Variants in SORCS3 observed in about 807,000 individuals in gnomAD.
SORCS3 encodes VPS10 domain-containing receptor SorCS3.
A neutral mutation model predicts 146.3 loss-of-function variants in SORCS3; 57 were observed. The ratio of observed to expected loss-of-function variants is 0.39; its 90% CI spans 0.31 to 0.49. SORCS3 has a LOEUF of 0.49. Ranked by LOEUF, SORCS3 falls within the 20% of genes least tolerant of loss-of-function variation. The probability of loss-of-function intolerance (pLI) is 0.92; values close to 1 mark genes in which losing one functional copy is unlikely to be tolerated. For missense variants in SORCS3, 1,341 were observed against 1,575.5 expected (o/e 0.85, Z 2.52); for synonymous variants, 653 against 618.5 (o/e 1.06, Z -0.83).
chr10:104,889,954 A>C (rs1285104912), intron 2 of SORCS3, among the ~76,000 whole-genome samples: 1 of 152,176 alleles, frequency 6.6e-6, no homozygotes, highest in Non-Finnish European at 1.5e-5. Flanking sequence ...TTATCAAAGA[A>C]ATGTAATTTA....
At chr10:104,780,381 T>C (rs535664348) in intron 1 of SORCS3, among the ~76,000 whole-genome samples, 2 of 152,286 alleles carry the variant, frequency 1.3e-5, no homozygotes, top group Admixed American at 1.3e-4. Flanking sequence ...AAGCTATTAA[T>C]AAACCTTAGA....
intron 1 of SORCS3, among the ~76,000 whole-genome samples, chr10:104,770,640 C>A (rs928591610): frequency 6.6e-6 from 1 of 151,766 alleles, no homozygotes; most frequent in African/African-American, 2.4e-5. Context: ...GGCAACATAG[C>A]AAAACCCCAT....
chr10:105,044,185 A>G (rs1182289813), intron 5 of SORCS3, among the ~76,000 whole-genome samples: 1 of 152,112 alleles, frequency 6.6e-6, no homozygotes, highest in East Asian at 1.9e-4. Flanking sequence ...CCTGGTCATT[A>G]TAGTGATACC....
chr10:104,974,647 C>G (rs541522394), intron 3 of SORCS3, among the ~76,000 whole-genome samples: 2 of 152,226 alleles, frequency 1.3e-5, no homozygotes, highest in South Asian at 4.2e-4. Flanking sequence ...GACTCTTTAT[C>G]CAATTTGCCA....
chr10:105,031,477 A>G (rs996968254), intron 4 of SORCS3, among the ~76,000 whole-genome samples: 3 of 152,162 alleles, frequency 2.0e-5, no homozygotes, highest in East Asian at 1.9e-4. Flanking sequence ...TTATATATCT[A>G]AAGGAACCTA....
At chr10:104,710,576 A>G (rs2016403350) in intron 1 of SORCS3, among the ~76,000 whole-genome samples, 1 of 152,226 alleles carries the variant, frequency 6.6e-6, no homozygotes, top group Non-Finnish European at 1.5e-5. Flanking sequence ...GGGAGGTGAT[A>G]TTTGAGAAAA....
At chr10:104,713,252 C>G (rs919925546) in intron 1 of SORCS3, among the ~76,000 whole-genome samples, 16 of 152,074 alleles carry the variant, frequency 1.1e-4, no homozygotes, top group African/African-American at 3.9e-4. Flanking sequence ...GTGCTCTTCC[C>G]AACACAAGGT....
intron 3 of SORCS3, among the ~76,000 whole-genome samples, chr10:104,975,354 G>T (rs1394140429): frequency 1.3e-5 from 2 of 151,868 alleles, no homozygotes; most frequent in African/African-American, 4.8e-5. Flanking sequence ...AACTTACAAG[G>T]GATGTGAAGG....
intron 8 of SORCS3, among the ~76,000 whole-genome samples, chr10:105,144,406 A>G (rs2056116731): frequency 6.6e-6 from 1 of 152,150 alleles, no homozygotes; most frequent in African/African-American, 2.4e-5. Context: ...CACATGGCAG[A>G]TGCTTAATAA....
At chr10:105,057,856 G>T (rs2055456068) in intron 5 of SORCS3, among the ~76,000 whole-genome samples, 2 of 152,100 alleles carry the variant, frequency 1.3e-5, no homozygotes, top group South Asian at 4.1e-4. Flanking sequence ...AATCCTCATT[G>T]CTTACAAATA....
intron 2 of SORCS3, among the ~76,000 whole-genome samples, chr10:104,887,446 A>G (rs906085124): frequency 6.6e-6 from 1 of 152,204 alleles, no homozygotes; most frequent in Admixed American, 6.5e-5. Flanking sequence ...ATAACTAAAG[A>G]TATAGTTACT....
In SORCS3 at chr10:105,245,791, G is replaced by A. The variant is rs561255623; in HGVS notation, c.2992+126G>A. The A allele has an allele frequency of 5.2e-4, 630 of 1,204,122 alleles. 2 individuals carry two copies. Among genetic ancestry groups the A allele is most frequent in the Non-Finnish European group, 6.7e-4 (591 of 879,166 alleles). 74.6% of individuals were successfully genotyped at this position (1,204,122 alleles called of 1,614,324 possible). A position where few individuals can be genotyped will look rare whatever the true frequency, so the allele number is the denominator to read the frequency against. On this transcript the variant is annotated intron_variant, in intron 21 of 26. Coordinates refer to ENST00000369701, the MANE Select transcript of SORCS3 (RefSeq NM_014978.3). The stretch of plus-strand genomic sequence containing the variant: ...CCTGGGAAAATTACATAGGTCAACA[G>A]GAAGCTTCCAAACCTACCTCCGACC...
At chr10:105,000,576 C>T (rs115594912) in intron 4 of SORCS3, among the ~76,000 whole-genome samples, 1,998 of 152,122 alleles carry the variant, frequency 0.013, 40 homozygotes, top group African/African-American at 0.045. Flanking sequence ...CTAGGAATTC[C>T]GGCATCTATT....
At chr10:104,884,221 A>G (rs2018659537) in intron 2 of SORCS3, among the ~76,000 whole-genome samples, 1 of 152,314 alleles carries the variant, frequency 6.6e-6, no homozygotes, top group African/African-American at 2.4e-5. Context: ...AGGTGATAAT[A>G]TATCTTTAAA....
intron 1 of SORCS3, among the ~76,000 whole-genome samples, chr10:104,827,058 C>G (rs199605672): frequency 6.6e-6 from 1 of 152,196 alleles, no homozygotes. Flanking sequence ...CTTGCTATTT[C>G]GACCATATCT....
rs1487360682 is a variant in SORCS3 at position 104,697,717 on chromosome 10, C to T, written c.627+55763C>T. On this transcript the variant is annotated intron_variant, in intron 1 of 26. Coordinates refer to ENST00000369701, the MANE Select transcript of SORCS3 (RefSeq NM_014978.3). ...CACAGGTGCTTCTGGCTTTACATGACAAGGGGGCCTATTCAAAGATAACAG... is the reference window on the plus strand; with the variant it reads ...CACAGGTGCTTCTGGCTTTACATGATAAGGGGGCCTATTCAAAGATAACAG... 2.6e-5 allele frequency among the ~76,000 whole-genome samples: 4 copies of T among 152,094 alleles called. No homozygotes were observed. The East Asian group carries it at 5.8e-4, about 22-fold the overall frequency.
intron 19 of SORCS3, among the ~76,000 whole-genome samples, chr10:105,221,463 T>A (rs898245852): frequency 5.3e-5 from 8 of 152,244 alleles, no homozygotes; most frequent in African/African-American, 1.9e-4. Flanking sequence ...AACAACCACA[T>A]AACACATTCA....
intron 1 of SORCS3, among the ~76,000 whole-genome samples, chr10:104,837,555 T>C (rs2018085553): frequency 6.6e-6 from 1 of 152,224 alleles, no homozygotes; most frequent in South Asian, 2.1e-4. Context: ...AGGTACTTAT[T>C]TGACAAAGCT....
At position 104,641,368 on chromosome 10, in the gene SORCS3, G is replaced by C. The variant is rs1281342049; in HGVS notation, c.41G>C (p.Gly14Ala). 25 of 1,416,298 alleles carry C rather than the reference G, an allele frequency of 1.8e-5. No homozygotes were observed. The highest frequency in any genetic ancestry group is 6.4e-6 in the Non-Finnish European group (7 of 1,088,528). 87.7% of individuals were successfully genotyped at this position (1,416,298 alleles called of 1,614,324 possible). ...ACGGAGCGCCCCGCAGGCAGGCCGG[G>C]GGCGCCGCTTGTCCGGACGGGGCTC... ...ARTERPAGRP[G>A]APLVRTGLLL... is the part of the protein sequence containing the mutation. Residue 14 changes from glycine (G) to alanine (A), a missense_variant, in exon 1 of 27, where the codon GGG becomes GCG. Gly to Ala is a moderately conservative substitution (Grantham distance 60). Coordinates refer to ENST00000369701, the MANE Select transcript of SORCS3 (RefSeq NM_014978.3). This position sits in a 1 kb window ranked among gnomAD's most constrained non-coding sequence, Gnocchi z 6.4.
Sources: allele counts gnomAD v4.1 joint callset (sites outside exome capture counted in the v4.1 genomes callset), GRCh38; gene constraint gnomAD v4.1.1; non-coding constraint Gnocchi (gnomAD v3.1); transcripts MANE v1.5; gene names NCBI Gene and HGNC (gene_info 2026-07-23, HGNC 2026-07-21).